Variants in HDC observed in about 807,000 individuals in gnomAD.
HDC encodes histidine decarboxylase.
In HDC, 27 loss-of-function variants were observed where a neutral mutation model predicts 64.4. The observed-to-expected ratio is 0.42, with a 90% CI of 0.31 to 0.58. HDC has a LOEUF of 0.58. Ranked by LOEUF, HDC falls within the 20% of genes least tolerant of loss-of-function variation. The pLI, the probability that HDC is intolerant of heterozygous loss-of-function variation, is 0.16. For synonymous variants in HDC, 305 were observed against 314.2 expected, an observed-to-expected ratio of 0.97 and a Z score of 0.31; for missense variants, 711 against 833.9, an observed-to-expected ratio of 0.85 and a Z score of 1.81.
chr15:50,255,632 C>CA (rs953324721), intron 4 of HDC, among the ~76,000 whole-genome samples: 13 of 150,968 alleles, frequency 8.6e-5, no homozygotes, highest in African/African-American at 2.4e-4. Flanking sequence ...CCTGTCTCTA[C>CA]AAAAAAAACA....
intron 9 of HDC, 52 bp downstream of exon 9, chr15:50,252,378 A>G (rs370350223): frequency 1.3e-5 from 19 of 1,449,454 alleles, no homozygotes; most frequent in Non-Finnish European, 1.7e-5. Context: ...AGACGCCTAC[A>G]GTTCCCACTG....
chr15:50,254,742 C>CTCTCTA (rs1235723499), intron 4 of HDC, 78 bp from the exon 5 acceptor site: 41 of 199,678 alleles, frequency 2.1e-4, no homozygotes, highest in Non-Finnish European at 3.0e-4. Context: ...AGTTTTTTCT[C>CTCTCTA]TCTCTCTCTC....
chr15:50,243,172 G>T lies in HDC; in HGVS notation c.1213C>A (p.His405Asn). The T allele has an allele frequency of 6.2e-7, 1 of 1,613,966 alleles. No homozygotes were observed. Among genetic ancestry groups the T allele is most frequent in the Non-Finnish European group, 8.5e-7 (1 of 1,179,830 alleles). The change falls in exon 11 of 12, where the codon CAC becomes AAC. Residue 405 changes from histidine (H) to asparagine (N), a missense_variant. Around this residue, in one of 3 missense-constraint regions of HDC, gnomAD observed 483 missense variants for 540.9 expected, o/e 0.89. Coordinates refer to ENST00000267845, the MANE Select transcript of HDC (RefSeq NM_002112.4). The part of the protein sequence containing the change: ...DPSFEIPAKR[H>N]LGLVVFRLKG... The stretch of plus-strand genomic sequence containing the variant: ...AGACGAAAAACCACCAGGCCAAGGT[G>T]CCTCTTGGCAGGAATTTCAAAGGAA...
chr15:50,258,221 T>G (rs2045657603), intron 3 of HDC, among the ~76,000 whole-genome samples, 183 bp downstream of exon 3: 2 of 152,178 alleles, frequency 1.3e-5, no homozygotes, highest in African/African-American at 4.8e-5. Context: ...TCAATACTCG[T>G]GATTCCATAG....
At chr15:50,259,012 A>T (rs2045669154) in intron 2 of HDC, among the ~76,000 whole-genome samples, 1 of 151,560 alleles carries the variant, frequency 6.6e-6, no homozygotes, top group African/African-American at 2.4e-5. Context: ...TACCAAAAAA[A>T]TTAGCCAGGC....
Position 50,242,132 on chromosome 15 carries a change from G to T in HDC, c.*128C>A. 1 of 826,580 alleles carries T rather than the reference G, an allele frequency of 1.2e-6. No individual in the cohort carries two copies. The highest frequency in any genetic ancestry group is 1.4e-5 in the South Asian group (1 of 71,330). The allele number at this position is 826,580 out of a possible 1,614,324, so 51.2% of individuals were successfully genotyped here. On this transcript the variant is annotated 3_prime_UTR_variant, in exon 12 of 12. Transcript: ENST00000267845. ...GGGTCATGAACCCCTATGAGAATTT[G>T]ATTAAAATTATGAACTCGCCCCAAG...
chr15:50,264,782 C>T (rs2045746698), intron 1 of HDC, among the ~76,000 whole-genome samples: 1 of 152,182 alleles, frequency 6.6e-6, no homozygotes, highest in Non-Finnish European at 1.5e-5. Flanking sequence ...TTCTATCTTC[C>T]TTCTGCTCCC....
chr15:50,248,103 C>A lies in HDC; in HGVS notation c.1140+142G>T. The A allele has an allele frequency of 1.4e-6, 1 of 695,668 alleles. No homozygotes were observed. Among genetic ancestry groups the A allele is most frequent in the South Asian group, 1.5e-5 (1 of 66,422 alleles). 43.1% of individuals were successfully genotyped at this position (695,668 alleles called of 1,614,324 possible). A position where few individuals can be genotyped will look rare whatever the true frequency, so the allele number is the denominator to read the frequency against. Reference sequence around the variant, plus strand: ...TCTGGTTAACAAAGAGAATCAAGTCCCAGGAGCTGAGGAACAGGCCCAGAC... The same window carrying A: ...TCTGGTTAACAAAGAGAATCAAGTCACAGGAGCTGAGGAACAGGCCCAGAC... On this transcript the variant is annotated intron_variant, in intron 10 of 11. Transcript: ENST00000267845. The surrounding 1 kb of genome is among the most constrained non-coding windows in gnomAD (Gnocchi z 4.3).
chr15:50,254,862 C>A (rs1489209224), intron 4 of HDC, among the ~76,000 whole-genome samples, 198 bp from the exon 5 acceptor site: 2 of 151,968 alleles, frequency 1.3e-5, no homozygotes, highest in African/African-American at 4.8e-5. Flanking sequence ...GTGCCCATGT[C>A]CCTCCCCAAC....
chr15:50,249,449 T>C (rs2045525490), intron 9 of HDC, among the ~76,000 whole-genome samples: 1 of 152,212 alleles, frequency 6.6e-6, no homozygotes. Context: ...TGTCCTCACC[T>C]TCACCCTTCA....
At chr15:50,253,487 A>C in intron 7 of HDC, 113 bp downstream of exon 7, 2 of 990,754 alleles carry the variant, frequency 2.0e-6, no homozygotes, top group South Asian at 2.6e-5. Flanking sequence ...ATGTCTCTGC[A>C]TTGACCAAAG....
At chr15:50,260,257 A>G (rs925610366) in intron 2 of HDC, among the ~76,000 whole-genome samples, 2 of 151,914 alleles carry the variant, frequency 1.3e-5, no homozygotes, top group African/African-American at 4.8e-5. Flanking sequence ...TCCTGACCTC[A>G]TGATCCACCC....
At chr15:50,257,294 G>T in intron 4 of HDC, 131 bp downstream of exon 4, 1 of 1,073,014 alleles carries the variant, frequency 9.3e-7, no homozygotes, top group Non-Finnish European at 1.4e-6. Context: ...TGATGATGGT[G>T]CTGTTGGTGA....
intron 10 of HDC, among the ~76,000 whole-genome samples, chr15:50,244,297 T>G (rs1024058792): frequency 1.1e-4 from 15 of 138,958 alleles, no homozygotes; most frequent in African/African-American, 3.9e-4. Flanking sequence ...TTTTTTTTTT[T>G]TTTTTTTTTT....
At chr15:50,251,086 T>C (rs1031554216) in intron 9 of HDC, among the ~76,000 whole-genome samples, 1 of 152,250 alleles carries the variant, frequency 6.6e-6, no homozygotes, top group South Asian at 2.1e-4. Context: ...TATTAATTTG[T>C]ATAATCCTCA....
chr15:50,263,163 C>G (rs776762018), intron 2 of HDC, 72 bp downstream of exon 2: 28 of 1,523,030 alleles, frequency 1.8e-5, no homozygotes, highest in Non-Finnish European at 2.4e-5. Flanking sequence ...CAAAGCAGGT[C>G]TTTCTCCAGG....
Position 50,248,399 on chromosome 15 carries a change from C to G in HDC, c.1042-56G>C, listed in dbSNP as rs370839002. The G allele has an allele frequency of 1.5e-4, 183 of 1,259,902 alleles. No individual in the cohort carries two copies. In the African/African-American group the frequency reaches 2.1e-3, roughly 15 times the overall value. 78.0% of individuals were successfully genotyped at this position (1,259,902 alleles called of 1,614,324 possible). ...TAGAGACAAGGGTGCCCCACTCCCT[C>G]GGGCATTTCTGGGCATTATCTGTTG... On this transcript the variant is annotated intron_variant, in intron 9 of 11. Coordinates refer to ENST00000267845, the MANE Select transcript of HDC (RefSeq NM_002112.4). The surrounding 1 kb of genome is among the most constrained non-coding windows in gnomAD (Gnocchi z 4.3).
intron 10 of HDC, among the ~76,000 whole-genome samples, chr15:50,246,218 A>G (rs2045480491): frequency 6.6e-6 from 1 of 152,214 alleles, no homozygotes; most frequent in African/African-American, 2.4e-5. Flanking sequence ...GATCTAATGA[A>G]GAACTAGAAT....
At chr15:50,264,198 C>T (rs1239452410) in intron 1 of HDC, among the ~76,000 whole-genome samples, 1 of 152,158 alleles carries the variant, frequency 6.6e-6, no homozygotes, top group Non-Finnish European at 1.5e-5. Context: ...TTTCACCATC[C>T]CCATTGAATC....
Sources: allele counts gnomAD v4.1 joint callset (sites outside exome capture counted in the v4.1 genomes callset), GRCh38; gene constraint gnomAD v4.1.1; regional missense constraint gnomAD v4.1.1; non-coding constraint Gnocchi (gnomAD v3.1); transcripts MANE v1.5; gene names NCBI Gene and HGNC (gene_info 2026-07-23, HGNC 2026-07-21).